Variants in ZMYM4 observed in about 807,000 individuals in gnomAD.
ZMYM4 encodes the protein zinc finger MYM-type containing 4.
ZMYM4 carries 31 observed loss-of-function variants against 183.2 expected under a neutral mutation model. The ratio of observed to expected loss-of-function variants is 0.17; its 90% CI spans 0.13 to 0.23. The LOEUF (loss-of-function observed/expected upper bound fraction) is 0.23, where lower values mean the gene tolerates loss of function less well. ZMYM4 is among the 10% of genes least tolerant of loss of function. The probability of loss-of-function intolerance (pLI) is 1.00; values close to 1 mark genes in which losing one functional copy is unlikely to be tolerated. For missense variants in ZMYM4, 1,273 were observed against 1,840.3 expected, an observed-to-expected ratio of 0.69 and a Z score of 5.64; for synonymous variants, 592 against 631.2, an observed-to-expected ratio of 0.94 and a Z score of 0.93.
At chr1:35,269,451 GGGT>G (rs1263279769) in intron 1 of ZMYM4, among the ~76,000 whole-genome samples, 2 of 151,882 alleles carry the variant, frequency 1.3e-5, no homozygotes, top group Non-Finnish European at 2.9e-5. Flanking sequence ...GGTCAGGTGG[GGGT>G]GGTGGTGGCG....
chr1:35,356,262 T>C (rs1643815701), intron 2 of ZMYM4, among the ~76,000 whole-genome samples: 1 of 152,182 alleles, frequency 6.6e-6, no homozygotes, highest in Non-Finnish European at 1.5e-5. Flanking sequence ...ATATGGAAAG[T>C]TGCTTACAAT....
At position 35,392,409 on chromosome 1, in the gene ZMYM4, C is replaced by T. The variant is rs1644726875; in HGVS notation, c.2728+57C>T. The T allele has an allele frequency of 1.9e-5, 29 of 1,560,884 alleles. No homozygotes were observed. The Middle Eastern group carries it at 5.1e-4, about 28-fold the overall frequency. ...CTATTTAGGTTGAATGCAGTGGTCC[C>T]CTAACTTCCTTTCATCAGGGATTAT... is the stretch of plus-strand genomic sequence containing the variant. On this transcript the variant is annotated intron_variant, in intron 16 of 29. Transcript: ENST00000314607.
intron 23 of ZMYM4, among the ~76,000 whole-genome samples, chr1:35,401,241 C>T (rs1644903116): frequency 6.6e-6 from 1 of 152,146 alleles, no homozygotes; most frequent in South Asian, 2.1e-4. Context: ...TTTTGCAGTC[C>T]CACCAGCAAT....
intron 1 of ZMYM4, among the ~76,000 whole-genome samples, chr1:35,309,693 G>T: frequency 6.6e-6 from 1 of 151,768 alleles, no homozygotes; most frequent in Non-Finnish European, 1.5e-5. Flanking sequence ...ATACTTTATG[G>T]TGATTGCTTG....
At chr1:35,274,749 C>A (rs1412275703) in intron 1 of ZMYM4, among the ~76,000 whole-genome samples, 2 of 151,720 alleles carry the variant, frequency 1.3e-5, no homozygotes, top group Admixed American at 1.3e-4. Context: ...GTATTATAAA[C>A]CCTTAAGTGC....
intron 13 of ZMYM4, among the ~76,000 whole-genome samples, chr1:35,388,568 T>G (rs1458570188): frequency 6.6e-6 from 1 of 152,098 alleles, no homozygotes; most frequent in East Asian, 1.9e-4. Flanking sequence ...TATCCTGTCT[T>G]ATATCATTTA....
At chr1:35,309,981 G>A (rs796593498) in intron 1 of ZMYM4, among the ~76,000 whole-genome samples, 35 of 148,522 alleles carry the variant, frequency 2.4e-4, no homozygotes, top group African/African-American at 8.4e-4. Context: ...AAGGTCTAGA[G>A]TGCAATGGCG....
intron 18 of ZMYM4, among the ~76,000 whole-genome samples, chr1:35,395,961 T>A (rs909954207): frequency 1.3e-5 from 2 of 152,244 alleles, no homozygotes; most frequent in Admixed American, 6.5e-5. Flanking sequence ...TGTTTCATCC[T>A]TTTAATACTT....
chr1:35,386,966 G>A (rs542389847), intron 11 of ZMYM4, 37 bp from the exon 12 acceptor site: 1 of 1,590,812 alleles, frequency 6.3e-7, no homozygotes, highest in Non-Finnish European at 8.6e-7. Flanking sequence ...TTTTAACAAA[G>A]ATTAAATTGA....
At chr1:35,416,844 G>C (rs138758674) in intron 28 of ZMYM4, among the ~76,000 whole-genome samples, 5 of 152,146 alleles carry the variant, frequency 3.3e-5, no homozygotes, top group African/African-American at 1.2e-4. Context: ...GATTACAGGC[G>C]TGAGCCACCA....
chr1:35,374,423 A>T lies in ZMYM4; in HGVS notation c.1181+3796A>T, dbSNP rs536121473. Among the ~76,000 whole-genome samples the T allele has an allele frequency of 8.3e-4, 126 of 152,196 alleles. 3 individuals carry two copies. Among genetic ancestry groups the T allele is most frequent in the South Asian group, 7.3e-3 (35 of 4,814 alleles). On this transcript the variant is annotated intron_variant, in intron 7 of 29. Coordinates refer to ENST00000314607, the MANE Select transcript of ZMYM4 (RefSeq NM_005095.3). ...TTTATTTTGCCATGAAATCATTCAC[A>T]TAATAACTTCATGTTTCTTTATTTA...
intron 1 of ZMYM4, among the ~76,000 whole-genome samples, chr1:35,323,023 G>A (rs117203890): frequency 2.5e-4 from 38 of 151,362 alleles, no homozygotes; most frequent in East Asian, 1.7e-3. Context: ...TTTTTGAGAC[G>A]GAATCATGCT....
intron 9 of ZMYM4, among the ~76,000 whole-genome samples, chr1:35,382,595 A>G (rs1250451461): frequency 6.6e-6 from 1 of 150,874 alleles, no homozygotes; most frequent in Non-Finnish European, 1.5e-5. Context: ...GGCGCCCACC[A>G]CCAGGCCTGG....
chr1:35,305,248 C>G (rs1641481788), intron 1 of ZMYM4, among the ~76,000 whole-genome samples: 1 of 152,198 alleles, frequency 6.6e-6, no homozygotes, highest in African/African-American at 2.4e-5. Flanking sequence ...TCTTCTGTGT[C>G]TTACTTGTTT....
intron 1 of ZMYM4, among the ~76,000 whole-genome samples, chr1:35,324,973 C>T (rs1326480582): frequency 6.6e-6 from 1 of 151,738 alleles, no homozygotes; most frequent in African/African-American, 2.4e-5. Context: ...AGAGCAAAAG[C>T]TGTTAATTTT....
chr1:35,413,626 CAT>C (rs71753924), intron 26 of ZMYM4, among the ~76,000 whole-genome samples: 4,569 of 152,252 alleles, frequency 0.03, 239 homozygotes, highest in East Asian at 0.24. Context: ...TCAGGAAAAA[CAT>C]GATTTGGAAC....
rs58071694 is a variant in ZMYM4, at chr1:35,318,054, G to GTTTT, written c.40-7287_40-7284dup. Among the ~76,000 whole-genome samples, 903 of 116,558 alleles carry GTTTT rather than the reference G, an allele frequency of 7.7e-3. 16 individuals are homozygous for GTTTT. Among genetic ancestry groups the GTTTT allele is most frequent in the Non-Finnish European group, 0.012 (711 of 58,598 alleles). The allele number at this position is 116,558 out of a possible 152,430, so 76.5% of individuals were successfully genotyped here. On this transcript the variant is annotated intron_variant, in intron 1 of 29. Coordinates refer to ENST00000314607, the MANE Select transcript of ZMYM4 (RefSeq NM_005095.3). Reference sequence around the variant, plus strand: ...TTCAAATTTAGAAGGGATTATGGCAGTTTTTTTTTTTTTTTTTTTTTTGAG... The same window carrying GTTTT: ...TTCAAATTTAGAAGGGATTATGGCAGTTTTTTTTTTTTTTTTTTTTTTTTTTGAG...
chr1:35,418,019 AAAG>A (rs1640190967), intron 28 of ZMYM4, among the ~76,000 whole-genome samples: 1 of 152,272 alleles, frequency 6.6e-6, no homozygotes, highest in African/African-American at 2.4e-5. Context: ...AAAAAAAAAA[AAAG>A]AGATGGCAAC....
chr1:35,317,926 G>T (rs1047643591), intron 1 of ZMYM4, among the ~76,000 whole-genome samples: 7 of 152,030 alleles, frequency 4.6e-5, no homozygotes, highest in African/African-American at 1.4e-4. Context: ...ACAAAGAGAC[G>T]AATGTCATAG....
Sources: gnomAD v4.1 joint callset for allele counts (sites outside exome capture counted in the v4.1 genomes callset) on GRCh38, gnomAD v4.1.1 for gene constraint, MANE v1.5 for transcripts, NCBI Gene and HGNC (gene_info 2026-07-23, HGNC 2026-07-21) for gene names.